The following A1CF variants were observed in gnomAD, a reference collection of about 807,000 sequenced individuals.
The protein encoded by A1CF is APOBEC1 complementation factor, also known as APOBEC-1 stimulating protein.
A neutral mutation model predicts 68.9 loss-of-function variants in A1CF; 48 were observed. The ratio of observed to expected loss-of-function variants is 0.70; its 90% confidence interval spans 0.55 to 0.89. A1CF has a LOEUF of 0.89. Among genes scored for constraint, A1CF ranks in the 40% least tolerant of loss-of-function variants. The pLI is 0.00. For synonymous variants in A1CF, 272 were observed against 260.4 expected, an observed-to-expected ratio of 1.04 and a Z score of -0.43; for missense variants, 653 against 718.9, an observed-to-expected ratio of 0.91 and a Z score of 1.05.
chr10:50,836,282 A>G lies in A1CF; in HGVS notation c.396T>C (p.Ser132=). The change falls in exon 6 of 13, where the codon AGT becomes AGC. Residue 132 remains serine (S), a synonymous_variant. Transcript: ENST00000373997. ...RNGRLLGVCA[S]VDNCRLFVGG... ...CAACAAATAATCGGCAGTTGTCCACACTGGCACAAACCCCTAAGAGGCGCC... is the reference window on the plus strand; with the variant it reads ...CAACAAATAATCGGCAGTTGTCCACGCTGGCACAAACCCCTAAGAGGCGCC... 1.2e-6 allele frequency: 2 copies of G among 1,613,922 alleles called. No individual in the cohort carries two copies. The highest frequency in any genetic ancestry group is 1.7e-6 in the Non-Finnish European group (2 of 1,179,878).
chr10:50,863,800 A>G (rs989490769), intron 2 of A1CF, among the ~76,000 whole-genome samples: 4 of 152,164 alleles, frequency 2.6e-5, no homozygotes, highest in African/African-American at 9.7e-5. Context: ...AAGTTCTACT[A>G]TTTGATAGTA....
intron 8 of A1CF, 29 bp from the exon 9 acceptor site, chr10:50,816,308 G>A (rs4245008): frequency 0.84 from 1,348,817 of 1,606,902 alleles, 569,501 homozygotes; most frequent in East Asian, 0.98. Flanking sequence ...AAATATCAAC[G>A]CGAGATGATA....
At chr10:50,880,920 C>G (rs1459008141) in intron 1 of A1CF, among the ~76,000 whole-genome samples, 3 of 151,972 alleles carry the variant, frequency 2.0e-5, no homozygotes, top group African/African-American at 7.2e-5. Flanking sequence ...CTTCTAGGTC[C>G]CATATGGGGG....
At chr10:50,861,678 G>A (rs1840753711) in intron 2 of A1CF, among the ~76,000 whole-genome samples, 7 of 147,642 alleles carry the variant, frequency 4.7e-5, no homozygotes, top group East Asian at 2.0e-4. Flanking sequence ...ACTAATAGTA[G>A]TAATACCAAT....
At position 50,809,879 on chromosome 10, in the gene A1CF, A is replaced by G. The variant is rs1243497394; in HGVS notation, c.1609+15T>C. 6.2e-7 allele frequency: 1 copy of G among 1,613,696 alleles called. No individual in the cohort carries two copies. The highest frequency in any genetic ancestry group is 1.1e-5 in the South Asian group (1 of 91,074). On this transcript the variant is annotated intron_variant, in intron 12 of 12. Transcript: ENST00000373997. ...CTCTCTGCAGGGCGCCATTTCTGGC[A>G]CAATTTTCCCATACCTGGGAAAGCA...
At chr10:50,825,854 G>C (rs1397652342) in intron 7 of A1CF, among the ~76,000 whole-genome samples, 1 of 152,104 alleles carries the variant, frequency 6.6e-6, no homozygotes, top group Non-Finnish European at 1.5e-5. Context: ...CATTAGGCCA[G>C]TGGTTCTCAA....
intron 12 of A1CF, among the ~76,000 whole-genome samples, chr10:50,808,012 A>G (rs1471881910): frequency 6.6e-6 from 1 of 152,264 alleles, no homozygotes; most frequent in Non-Finnish European, 1.5e-5. Context: ...CCATTTTCCA[A>G]GGATAGGAGA....
At chr10:50,840,463 T>C (rs879483383) in intron 5 of A1CF, among the ~76,000 whole-genome samples, 2 of 152,216 alleles carry the variant, frequency 1.3e-5, no homozygotes, top group African/African-American at 2.4e-5. Context: ...ACTCCAAAAC[T>C]ATTGCTCTTT....
In A1CF at chr10:50,862,783, C is replaced by T. The variant is rs187100664; in HGVS notation, c.-46+1250G>A. On this transcript the variant is annotated intron_variant, in intron 2 of 12. Transcript: ENST00000373997. ...TTTTCCCAAATGCTACCAAAATTGTCTTTTCGTGAGGATACTCTCAAACCC... is the reference window on the plus strand; with the variant it reads ...TTTTCCCAAATGCTACCAAAATTGTTTTTTCGTGAGGATACTCTCAAACCC... The T allele has an allele frequency of 2.6e-5, 4 of 152,320 alleles. No homozygotes were observed. In the East Asian group the frequency reaches 7.7e-4, roughly 29 times the overall value. The allele number at this position is 152,320 out of a possible 1,614,324, so 9.4% of individuals were successfully genotyped here.
In A1CF at chr10:50,805,613, C is replaced by T. The variant is rs144955107; in HGVS notation, c.*1116G>A. 1 of 152,292 alleles carries T rather than the reference C, an allele frequency of 6.6e-6. No individual in the cohort carries two copies. Among genetic ancestry groups the T allele is most frequent in the East Asian group, 1.9e-4 (1 of 5,182 alleles). 9.4% of individuals were successfully genotyped at this position (152,292 alleles called of 1,614,324 possible). On this transcript the variant is annotated 3_prime_UTR_variant, in exon 13 of 13. Coordinates refer to ENST00000373997, the MANE Select transcript of A1CF (RefSeq NM_014576.4). The stretch of plus-strand genomic sequence containing the variant: ...ACAAAAGGACTCAGGTATGGTGAAG[C>T]TGCCTGATACTTACTGAAACAAAAA...
At chr10:50,846,787 C>G (rs1840019568) in intron 3 of A1CF, among the ~76,000 whole-genome samples, 1 of 152,100 alleles carries the variant, frequency 6.6e-6, no homozygotes, top group Admixed American at 6.5e-5. Context: ...TATTAATTGT[C>G]TTTCTTTGTT....
intron 10 of A1CF, among the ~76,000 whole-genome samples, chr10:50,813,106 A>T (rs938797929): frequency 6.6e-6 from 1 of 152,230 alleles, no homozygotes; most frequent in Admixed American, 6.5e-5. Context: ...AACTCTGATT[A>T]TTCAGCCAAA....
intron 5 of A1CF, among the ~76,000 whole-genome samples, chr10:50,837,143 C>T (rs1839539767): frequency 1.3e-5 from 2 of 152,200 alleles, no homozygotes; most frequent in Admixed American, 6.5e-5. Context: ...ATGACCTTAT[C>T]TGCCCCACAC....
intron 6 of A1CF, among the ~76,000 whole-genome samples, chr10:50,830,571 A>G (rs1008294480): frequency 2.0e-5 from 3 of 150,396 alleles, no homozygotes; most frequent in African/African-American, 7.5e-5. Flanking sequence ...ACAAAATGAA[A>G]GATCTGTATA....
At chr10:50,883,187 G>A (rs1215141702) in intron 1 of A1CF, among the ~76,000 whole-genome samples, 1 of 152,136 alleles carries the variant, frequency 6.6e-6, no homozygotes, top group Non-Finnish European at 1.5e-5. Flanking sequence ...GGCAATTTTA[G>A]AAAATTTTTC....
chr10:50,846,477 G>A (rs953790342), intron 3 of A1CF, among the ~76,000 whole-genome samples: 1 of 152,022 alleles, frequency 6.6e-6, no homozygotes, highest in African/African-American at 2.4e-5. Context: ...ATGTATCTTT[G>A]ATGTCTGTAA....
At chr10:50,879,893 G>C (rs1289405990) in intron 1 of A1CF, among the ~76,000 whole-genome samples, 2 of 152,142 alleles carry the variant, frequency 1.3e-5, no homozygotes, top group Non-Finnish European at 2.9e-5. Context: ...TGAGTCTCTG[G>C]CTAGGTCAGT....
At chr10:50,822,216 T>C (rs1033213659) in intron 7 of A1CF, among the ~76,000 whole-genome samples, 1 of 152,214 alleles carries the variant, frequency 6.6e-6, no homozygotes, top group African/African-American at 2.4e-5. Context: ...AGTTGGATGT[T>C]ATATTTTTAA....
In A1CF at chr10:50,800,197, A is replaced by G. The variant is rs1837543437; in HGVS notation, c.*6532T>C. 1 of 152,172 alleles carries G rather than the reference A, an allele frequency of 6.6e-6. No homozygotes were observed. The highest frequency in any genetic ancestry group is 6.5e-5 in the Admixed American group (1 of 15,282). 9.4% of individuals were successfully genotyped at this position (152,172 alleles called of 1,614,324 possible). Reference sequence around the variant, plus strand: ...AATGTATAGGTACCTGCTCATTAACATCATAAATCAGTAGGTGAATTTATC... The same window carrying G: ...AATGTATAGGTACCTGCTCATTAACGTCATAAATCAGTAGGTGAATTTATC... On this transcript the variant is annotated 3_prime_UTR_variant, in exon 13 of 13. Transcript: ENST00000373997.
Sources: allele counts gnomAD v4.1 joint callset (sites outside exome capture counted in the v4.1 genomes callset), GRCh38; gene constraint gnomAD v4.1.1; transcripts MANE v1.5; gene names NCBI Gene and HGNC (gene_info 2026-07-23, HGNC 2026-07-21).